Variants in CCDC60 observed in about 807,000 individuals in gnomAD.
The protein encoded by CCDC60 is coiled-coil domain containing 60.
Under a neutral mutation model 63.5 loss-of-function variants are expected in CCDC60, and 54 were observed. The observed-to-expected ratio is 0.85, with a 90% CI of 0.68 to 1.07. CCDC60 has a LOEUF of 1.07. Among genes scored for constraint, CCDC60 ranks in the 50% least tolerant of loss-of-function variants. The pLI is 0.00. For synonymous variants in CCDC60, 206 were observed against 238.8 expected, an observed-to-expected ratio of 0.86 and a Z score of 1.27; for missense variants, 651 against 684.3, an observed-to-expected ratio of 0.95 and a Z score of 0.54.
chr12:119,442,148 C>T (rs556106796), intron 2 of CCDC60, among the ~76,000 whole-genome samples: 3 of 152,232 alleles, frequency 2.0e-5, no homozygotes, highest in Admixed American at 1.3e-4. Context: ...CATGGATCCA[C>T]GTGTATTTTT....
intron 1 of CCDC60, among the ~76,000 whole-genome samples, chr12:119,414,029 CT>C (rs988810288): frequency 1.3e-5 from 2 of 151,720 alleles, no homozygotes; most frequent in African/African-American, 4.8e-5. Context: ...CTCTGGTTTG[CT>C]TTTTTTTAGA....
rs1417534600 is a variant in CCDC60 at position 119,420,889 on chromosome 12, T to G, written c.91-7794T>G. Among the ~76,000 whole-genome samples the G allele has an allele frequency of 6.6e-6, 1 of 152,150 alleles. No homozygotes were observed. The highest frequency in any genetic ancestry group is 1.5e-5 in the Non-Finnish European group (1 of 68,024). On this transcript the variant is annotated intron_variant, in intron 1 of 13. Coordinates refer to ENST00000327554, the MANE Select transcript of CCDC60 (RefSeq NM_178499.5). The surrounding 1 kb of genome is among the most constrained non-coding windows in gnomAD (Gnocchi z 4.1). ...ATAAAATATTAAAACCACCAAAAAC[T>G]TAAACATCCGTGTGCAAGCTAAGGT...
chr12:119,489,626 T>C (rs182308094), intron 5 of CCDC60, among the ~76,000 whole-genome samples: 3 of 152,258 alleles, frequency 2.0e-5, no homozygotes, highest in African/African-American at 7.2e-5. Context: ...AAGGGTCAGG[T>C]TGTTTGCAAG....
At chr12:119,350,170 ATTATTTATTTAT>A (rs10534165) in intron 1 of CCDC60, among the ~76,000 whole-genome samples, 29,970 of 144,688 alleles carry the variant, frequency 0.21, 3,984 homozygotes, top group East Asian at 0.53. Flanking sequence ...TCTTTGCTTT[ATTATTTATTTAT>A]TTATTTATTT....
intron 1 of CCDC60, among the ~76,000 whole-genome samples, chr12:119,354,010 C>G (rs1028637158): frequency 1.3e-5 from 2 of 151,752 alleles, no homozygotes; most frequent in Non-Finnish European, 2.9e-5. Flanking sequence ...GTCTTTCTCA[C>G]TCTCTCTCAC....
At chr12:119,439,653 G>C (rs1011880953) in intron 2 of CCDC60, among the ~76,000 whole-genome samples, 3 of 152,186 alleles carry the variant, frequency 2.0e-5, no homozygotes, top group Non-Finnish European at 4.4e-5. Context: ...TACTGAGCAG[G>C]TCACCTGTCC....
chr12:119,503,328 T>C (rs138810531), intron 6 of CCDC60, among the ~76,000 whole-genome samples: 1 of 152,128 alleles, frequency 6.6e-6, no homozygotes, highest in East Asian at 1.9e-4. Context: ...TGACAAAGAG[T>C]AGAGGGGCCT....
intron 2 of CCDC60, among the ~76,000 whole-genome samples, chr12:119,465,017 A>C (rs1176834333): frequency 1.3e-5 from 2 of 152,224 alleles, no homozygotes; most frequent in East Asian, 3.8e-4. Flanking sequence ...ATTACGAATT[A>C]AATAAATCTC....
chr12:119,417,067 CCAAGAT>C (rs1956713429), intron 1 of CCDC60, among the ~76,000 whole-genome samples: 1 of 152,116 alleles, frequency 6.6e-6, no homozygotes, highest in Admixed American at 6.6e-5. Flanking sequence ...TTGCAGTGAG[CCAAGAT>C]CGCGCCATTG....
At chr12:119,439,290 C>T (rs1950392695) in intron 2 of CCDC60, among the ~76,000 whole-genome samples, 1 of 151,702 alleles carries the variant, frequency 6.6e-6, no homozygotes, top group African/African-American at 2.4e-5. Context: ...TACACACACA[C>T]ATGTGAGAGA....
chr12:119,403,469 G>C (rs1956431218), intron 1 of CCDC60, among the ~76,000 whole-genome samples: 1 of 152,078 alleles, frequency 6.6e-6, no homozygotes, highest in South Asian at 2.1e-4. Flanking sequence ...TCACCAAGTT[G>C]CAGATTTCCT....
At chr12:119,502,482 G>C (rs1414625776) in intron 6 of CCDC60, among the ~76,000 whole-genome samples, 2 of 152,180 alleles carry the variant, frequency 1.3e-5, no homozygotes, top group Non-Finnish European at 2.9e-5. Flanking sequence ...GCAGCATTTA[G>C]GGATTTAAGT....
intron 4 of CCDC60, among the ~76,000 whole-genome samples, chr12:119,487,564 TG>T (rs1366270380): frequency 6.6e-6 from 1 of 152,086 alleles, no homozygotes; most frequent in Non-Finnish European, 1.5e-5. Context: ...CCCAAAGTGC[TG>T]GGATTACAAG....
chr12:119,488,466 T>C (rs542237511), intron 4 of CCDC60, among the ~76,000 whole-genome samples: 2 of 152,316 alleles, frequency 1.3e-5, no homozygotes, highest in East Asian at 3.9e-4. Flanking sequence ...GTAACTGGCA[T>C]TGGATAATCT....
At chr12:119,515,726 C>T (rs11064820) in intron 7 of CCDC60, among the ~76,000 whole-genome samples, 11,410 of 152,258 alleles carry the variant, frequency 0.075, 944 homozygotes, top group East Asian at 0.42. Context: ...TCTAAAGGCA[C>T]GTCCAGCATG....
At chr12:119,379,999 G>C (rs1955991938) in intron 1 of CCDC60, among the ~76,000 whole-genome samples, 1 of 152,188 alleles carries the variant, frequency 6.6e-6, no homozygotes, top group African/African-American at 2.4e-5. Flanking sequence ...TGGGGGTGCA[G>C]GCAAGAAAGT....
chr12:119,530,813 G>C (rs1952820137), intron 12 of CCDC60, 61 bp from the exon 13 acceptor site: 28 of 1,432,500 alleles, frequency 2.0e-5, no homozygotes, highest in Non-Finnish European at 2.6e-5. Context: ...GAGATGGATG[G>C]CCAGAGGTGC....
intron 8 of CCDC60, among the ~76,000 whole-genome samples, chr12:119,517,114 C>T (rs562708609): frequency 2.6e-5 from 4 of 152,044 alleles, no homozygotes; most frequent in East Asian, 1.9e-4. Flanking sequence ...CAGCCTCCCA[C>T]GTAGCTGGGA....
intron 2 of CCDC60, chr12:119,433,415 T>G (rs371889164): frequency 2.8e-6 from 2 of 701,928 alleles, no homozygotes; most frequent in African/African-American, 3.5e-5. Context: ...CAAAGGAGAA[T>G]GGGGAAAAGG....
Sources: gnomAD v4.1 joint callset for allele counts (sites outside exome capture counted in the v4.1 genomes callset) on GRCh38, gnomAD v4.1.1 for gene constraint, Gnocchi (gnomAD v3.1) non-coding constraint, MANE v1.5 for transcripts, NCBI Gene and HGNC (gene_info 2026-07-23, HGNC 2026-07-21) for gene names.